Variants in ITSN2 observed in about 807,000 individuals in gnomAD.
ITSN2 encodes intersectin-2.
ITSN2 carries 156 observed loss-of-function variants against 243.7 expected under a neutral mutation model. That is an observed-to-expected ratio of 0.64 (90% confidence interval 0.56 to 0.73). ITSN2 has a LOEUF of 0.73. Among genes scored for constraint, ITSN2 ranks in the 30% least tolerant of loss-of-function variants. The pLI, the probability that ITSN2 is intolerant of heterozygous loss-of-function variation, is 0.00. For missense variants in ITSN2, 1,801 were observed against 1,996.1 expected, an observed-to-expected ratio of 0.90 and a Z score of 1.86; for synonymous variants, 703 against 699.9, an observed-to-expected ratio of 1.00 and a Z score of -0.07.
intron 29 of ITSN2, among the ~76,000 whole-genome samples, chr2:24,243,305 C>T (rs927442383): frequency 2.0e-5 from 3 of 152,088 alleles, no homozygotes. Flanking sequence ...CTAGTCAGTA[C>T]AGAGTAGACA....
intron 29 of ITSN2, among the ~76,000 whole-genome samples, chr2:24,244,297 G>C (rs1673086933): frequency 6.6e-6 from 1 of 152,140 alleles, no homozygotes; most frequent in Non-Finnish European, 1.5e-5. Flanking sequence ...GATTTCTCTA[G>C]AGTAATTTTT....
chr2:24,253,349 C>A (rs1187196901), intron 24 of ITSN2, among the ~76,000 whole-genome samples: 3 of 84,482 alleles, frequency 3.6e-5, no homozygotes, highest in African/African-American at 8.8e-5. Flanking sequence ...GGTTTAGGTA[C>A]GCTGCAATAA....
rs147788725 is a variant in ITSN2 at position 24,216,162 on chromosome 2, C to T, written c.3877G>A (p.Ala1293Thr). ...PVQMIGDILAAELSHMQAYIR... is the reference protein window; with the variant it reads ...PVQMIGDILATELSHMQAYIR... ...TAAGCCTGCATGTGGGACAGCTCAG[C>T]GGCCAGGATGTCCCCAATCATCTGC... The change falls in exon 32 of 40, where the codon GCT (alanine) becomes ACT (threonine). Residue 1293 changes from alanine (A) to threonine (T), a missense_variant. Around this residue, in one of 5 missense-constraint regions of ITSN2, gnomAD observed 928 missense variants for 1,065.4 expected, o/e 0.87. Coordinates refer to ENST00000355123, the MANE Select transcript of ITSN2 (RefSeq NM_006277.3). The T allele has an allele frequency of 8.4e-5, 136 of 1,612,392 alleles. 1 individual carries two copies. The African/African-American group carries it at 1.0e-3, about 12-fold the overall frequency.
At chr2:24,263,993 T>C (rs1443597258) in intron 20 of ITSN2, among the ~76,000 whole-genome samples, 1 of 152,208 alleles carries the variant, frequency 6.6e-6, no homozygotes, top group African/African-American at 2.4e-5. Flanking sequence ...ATAATTCACA[T>C]TCCACATAAT....
At chr2:24,315,876 A>C (rs533152207) in intron 2 of ITSN2, among the ~76,000 whole-genome samples, 46 of 152,338 alleles carry the variant, frequency 3.0e-4, no homozygotes, top group African/African-American at 9.9e-4. Flanking sequence ...GAGTCAATTA[A>C]ACCCTTTTTT....
At chr2:24,210,427 C>T (rs1412299067) in intron 34 of ITSN2, 2 of 281,372 alleles carry the variant, frequency 7.1e-6, no homozygotes, top group African/African-American at 2.2e-5. Context: ...GCCTGGCCAA[C>T]ATGGTGAAAC....
chr2:24,274,296 G>A (rs753980471), intron 18 of ITSN2, among the ~76,000 whole-genome samples: 3 of 152,164 alleles, frequency 2.0e-5, no homozygotes, highest in South Asian at 2.1e-4. Context: ...ATCACCAGGC[G>A]CAGTGGCTCA....
chr2:24,338,996 A>G (rs1293468271), intron 1 of ITSN2, among the ~76,000 whole-genome samples: 1 of 152,154 alleles, frequency 6.6e-6, no homozygotes, highest in Admixed American at 6.6e-5. Context: ...GTGAACTCCA[A>G]GTGTCCTTGG....
At chr2:24,216,806 C>G (rs1487632821) in intron 31 of ITSN2, among the ~76,000 whole-genome samples, 2 of 152,148 alleles carry the variant, frequency 1.3e-5, no homozygotes, top group Non-Finnish European at 2.9e-5. Context: ...ACCTGGGTAG[C>G]TGGGCATGGT....
intron 17 of ITSN2, among the ~76,000 whole-genome samples, chr2:24,282,699 G>A (rs996522020): frequency 6.6e-6 from 1 of 152,134 alleles, no homozygotes; most frequent in Non-Finnish European, 1.5e-5. Flanking sequence ...CTAGAGGTTT[G>A]AGCAGGGGAG....
At chr2:24,259,148 T>G (rs1675466553) in intron 22 of ITSN2, among the ~76,000 whole-genome samples, 1 of 152,176 alleles carries the variant, frequency 6.6e-6, no homozygotes, top group Non-Finnish European at 1.5e-5. Context: ...TTTTAGAACC[T>G]ACCAAACCCA....
At chr2:24,340,751 AACACACAC>A (rs34201222) in intron 1 of ITSN2, among the ~76,000 whole-genome samples, 1 of 151,290 alleles carries the variant, frequency 6.6e-6, no homozygotes, top group African/African-American at 2.4e-5. Context: ...AAGGAAAAAA[AACACACAC>A]ACACACACAC....
At chr2:24,242,814 G>A (rs759248881) in intron 29 of ITSN2, among the ~76,000 whole-genome samples, 2 of 151,978 alleles carry the variant, frequency 1.3e-5, no homozygotes, top group Admixed American at 1.3e-4. Context: ...CAAGCCTTTA[G>A]CCATTCATTT....
intron 12 of ITSN2, among the ~76,000 whole-genome samples, chr2:24,299,657 T>C (rs895958790): frequency 6.6e-6 from 1 of 152,216 alleles, no homozygotes; most frequent in African/African-American, 2.4e-5. Flanking sequence ...CAGTCGATCC[T>C]CCTTTGATTG....
chr2:24,273,154 G>A (rs1042628288), intron 18 of ITSN2, among the ~76,000 whole-genome samples: 3 of 151,952 alleles, frequency 2.0e-5, no homozygotes, highest in Non-Finnish European at 4.4e-5. Context: ...TCAAAATATT[G>A]TAGGCCCTTA....
intron 1 of ITSN2, among the ~76,000 whole-genome samples, chr2:24,353,365 T>A (rs1198947379): frequency 6.6e-6 from 1 of 151,606 alleles, no homozygotes; most frequent in Admixed American, 6.6e-5. Context: ...GGAGGCTGAG[T>A]GGGGGCGAAT....
intron 27 of ITSN2, among the ~76,000 whole-genome samples, chr2:24,248,352 C>T (rs1052885232): frequency 6.6e-6 from 1 of 152,130 alleles, no homozygotes; most frequent in Non-Finnish European, 1.5e-5. Flanking sequence ...TCTTTAAGAA[C>T]ATGATCTGTG....
rs1025439753 is a variant in ITSN2, at chr2:24,293,675, C to G, written c.1723+13G>C. The G allele has an allele frequency of 1.1e-6, 1 of 914,314 alleles. No homozygotes were observed. The allele number at this position is 914,314 out of a possible 1,614,324, so 56.6% of individuals were successfully genotyped here. A position where few individuals can be genotyped will look rare whatever the true frequency, so the allele number is the denominator to read the frequency against. The stretch of plus-strand genomic sequence containing the variant: ...AAAGGATAAAAGTAATCAGACAAAC[C>G]TTAGAGACTTACCAGGTGTGTTACT... On this transcript the variant is annotated intron_variant, in intron 15 of 39. Transcript: ENST00000355123.
chr2:24,216,690 T>G (rs1669984322), intron 31 of ITSN2, among the ~76,000 whole-genome samples: 1 of 151,640 alleles, frequency 6.6e-6, no homozygotes. Context: ...GGAGTTCAAG[T>G]TGGGTGCAGT....
Sources: gnomAD v4.1 joint callset for allele counts (sites outside exome capture counted in the v4.1 genomes callset) on GRCh38, gnomAD v4.1.1 for gene constraint, gnomAD v4.1.1 regional missense constraint, MANE v1.5 for transcripts, NCBI Gene and HGNC (gene_info 2026-07-23, HGNC 2026-07-21) for gene names.